ITGA2B: variants seen among roughly 807,000 people sequenced by gnomAD.
ITGA2B encodes the protein integrin subunit alpha 2b.
ITGA2B carries 91 observed loss-of-function variants against 142.0 expected under a neutral mutation model. That is an observed-to-expected ratio of 0.64 (90% CI 0.54 to 0.76). The LOEUF (loss-of-function observed/expected upper bound fraction) is 0.76. Among genes scored for constraint, ITGA2B ranks in the 30% least tolerant of loss-of-function variants. The pLI is 0.00. For missense variants in ITGA2B, 1,231 were observed against 1,350.8 expected (o/e 0.91, Z 1.39); for synonymous variants, 536 against 567.2 (o/e 0.94, Z 0.78).
chr17:44,389,403 C>A lies in ITGA2B; in HGVS notation c.71G>T (p.Cys24Phe). ...CAAGGCCCAGGCTGGAGGGGCAGCA[C>A]AAGGTCCCAAGAGCAGCAGCACCCA... The part of the protein sequence containing the change: ...LEWVLLLLGP[C>F]AAPPAWALNL... The change falls in exon 1 of 30, where the codon TGT (cysteine) becomes TTT (phenylalanine). Residue 24 changes from cysteine to phenylalanine, a missense_variant. Cys to Phe is a radical substitution (Grantham distance 205). This residue lies in a region of ITGA2B where 318 missense variants were observed against 312.2 expected (regional missense o/e 1.02). Transcript: ENST00000262407. 1 of 1,614,218 alleles carries A rather than the reference C, an allele frequency of 6.2e-7. No individual in the cohort carries two copies. The highest frequency in any genetic ancestry group is 2.2e-5 in the East Asian group (1 of 44,884).
intron 22 of ITGA2B, 80 bp from the exon 23 acceptor site, chr17:44,376,468 A>C: frequency 8.1e-7 from 1 of 1,240,536 alleles, no homozygotes; most frequent in Admixed American, 1.7e-5. Context: ...AGAATTTTAG[A>C]GAGTTCAGAG....
Position 44,379,113 on chromosome 17 carries a change from AT to A in ITGA2B, c.1879-404del, listed in dbSNP as rs540432584. ...AGGTACCCGCCACCACGCCCAGCTA[AT>A]TTTTTTTTTTTTTTTGTATTTTTAG... On this transcript the variant is annotated intron_variant, in intron 18 of 29. Coordinates refer to ENST00000262407, the MANE Select transcript of ITGA2B (RefSeq NM_000419.5). Among the ~76,000 whole-genome samples the A allele has an allele frequency of 5.4e-3, 740 of 137,866 alleles. 2 individuals are homozygous for A. The highest frequency in any genetic ancestry group is 7.8e-3 in the Admixed American group (107 of 13,776). The allele number at this position is 137,866 out of a possible 152,430, so 90.4% of individuals were successfully genotyped here.
intron 6 of ITGA2B, 28 bp from the exon 7 acceptor site, chr17:44,385,104 AG>A (rs1487341434): frequency 1.2e-6 from 2 of 1,614,066 alleles, no homozygotes; most frequent in Admixed American, 3.3e-5. Context: ...GCGGGTGTGA[AG>A]CCCAAAGCGG....
chr17:44,375,049 C>T lies in ITGA2B; in HGVS notation c.2790G>A (p.Gln930=). Residue 930 remains glutamine (Q), a synonymous_variant, in exon 27 of 30, where the codon CAG becomes CAA. Coordinates refer to ENST00000262407, the MANE Select transcript of ITGA2B (RefSeq NM_000419.5). The part of the protein sequence containing the change: ...QCDLQEMARG[Q]RAMVTVLAFL... ...AGGCCAGCACCGTGACCATGGCCCG[C>T]TGCCCGCGCGCCATCTCCTGCAGGT... 1 of 1,547,154 alleles carries T rather than the reference C, an allele frequency of 6.5e-7. No homozygotes were observed.
At position 44,383,608 on chromosome 17, in the gene ITGA2B, C is replaced by A. The variant is rs780507775; in HGVS notation, c.1095G>T (p.Pro365=). The A allele has an allele frequency of 6.2e-7, 1 of 1,608,510 alleles. No homozygotes were observed. The highest frequency in any genetic ancestry group is 1.3e-5 in the African/African-American group (1 of 74,888). ...EVGRVYLFLQ[P]RGPHALGAPS... is the part of the protein sequence containing the mutation. ...GGGCACCCAGCGCGTGGGGGCCTCG[C>A]GGCTGCAGGAACAAATACACACGCC... is the stretch of plus-strand genomic sequence containing the variant. Residue 365 remains proline (P), a synonymous_variant, in exon 12 of 30, where the codon CCG becomes CCT. Transcript: ENST00000262407.
chr17:44,383,762 C>A, intron 11 of ITGA2B, 58 bp from the exon 12 acceptor site: 1 of 1,549,994 alleles, frequency 6.5e-7, no homozygotes, highest in South Asian at 1.2e-5. Context: ...GGGGCTAGGG[C>A]CAAATCTCCT....
Position 44,379,847 on chromosome 17 carries a change from T to C in ITGA2B, c.1753-33A>G, listed in dbSNP as rs372964670. The C allele has an allele frequency of 8.4e-5, 135 of 1,613,512 alleles. 1 individual carries two copies. In the Middle Eastern group the frequency reaches 1.2e-3, roughly 14 times the overall value. On this transcript the variant is annotated intron_variant, in intron 17 of 29. Coordinates refer to ENST00000262407, the MANE Select transcript of ITGA2B (RefSeq NM_000419.5). The stretch of plus-strand genomic sequence containing the variant: ...AGGGGCAAGAGTCAGGCCATCTTGC[T>C]ACCATACACATCCCACCTTCTCCTG...
intron 1 of ITGA2B, among the ~76,000 whole-genome samples, chr17:44,387,704 A>G (rs1039421704): frequency 3.3e-5 from 5 of 151,624 alleles, no homozygotes; most frequent in African/African-American, 1.2e-4. Flanking sequence ...ACATGCCTGT[A>G]ATCCCAGCTA....
At chr17:44,374,936 T>G in intron 27 of ITGA2B, 62 bp downstream of exon 27, 1 of 1,032,932 alleles carries the variant, frequency 9.7e-7, no homozygotes, top group Non-Finnish European at 1.4e-6. Flanking sequence ...ACCCCGCCCC[T>G]CCCAGAGCAA....
rs973601271 is a variant in ITGA2B at position 44,378,798 on chromosome 17, G to A, written c.1879-88C>T. On this transcript the variant is annotated intron_variant, in intron 18 of 29. Transcript: ENST00000262407. ...AGGGTTAGGAAAACAGTGGGCTTGGGGTTCACATAGGGGCTTAGGGAGTAA... is the reference window on the plus strand; with the variant it reads ...AGGGTTAGGAAAACAGTGGGCTTGGAGTTCACATAGGGGCTTAGGGAGTAA... The A allele has an allele frequency of 2.8e-5, 33 of 1,161,286 alleles. No individual in the cohort carries two copies. The South Asian group carries it at 3.8e-4, about 13-fold the overall frequency. 71.9% of individuals were successfully genotyped at this position (1,161,286 alleles called of 1,614,324 possible).
At chr17:44,380,325 A>C (rs757902224) in intron 15 of ITGA2B, 24 bp from the exon 16 acceptor site, 1 of 1,614,194 alleles carries the variant, frequency 6.2e-7, no homozygotes, top group South Asian at 1.1e-5. Context: ...AGTGGGGCTC[A>C]GGGGTTGGAG....
chr17:44,379,188 T>C (rs1221154458), intron 18 of ITGA2B, among the ~76,000 whole-genome samples: 2 of 150,548 alleles, frequency 1.3e-5, no homozygotes, highest in African/African-American at 2.4e-5. Flanking sequence ...TCTCCTGACC[T>C]CGTGATCCAC....
In ITGA2B at chr17:44,374,484, C is replaced by T. The variant is rs775755526; in HGVS notation, c.2944-14G>A. On this transcript the variant is annotated splice_polypyrimidine_tract_variant and intron_variant, in intron 28 of 29. Coordinates refer to ENST00000262407, the MANE Select transcript of ITGA2B (RefSeq NM_000419.5). ...CTGTGTCCACACCTGGGGGCAAACC[C>T]ACGTGTCTCCTCAGTCACCTTGACA... The T allele has an allele frequency of 4.3e-5, 69 of 1,609,826 alleles. No homozygotes were observed. The highest frequency in any genetic ancestry group is 5.4e-5 in the Non-Finnish European group (63 of 1,176,354).
chr17:44,380,287 A>T lies in ITGA2B; in HGVS notation c.1559T>A (p.Met520Lys). The change falls in exon 16 of 30, where the codon ATG becomes AAG. Residue 520 changes from methionine to lysine, a missense_variant. Coordinates refer to ENST00000262407, the MANE Select transcript of ITGA2B (RefSeq NM_000419.5). ...KTPVSCFNIQ[M>K]CVGATGHNIP... ...GTTGTGCCCAGTGGCTCCAACACAC[A>T]TCTGGATGTTGAAGCTGCAAAGACG... is the stretch of plus-strand genomic sequence containing the variant. 1 of 1,614,094 alleles carries T rather than the reference A, an allele frequency of 6.2e-7. No homozygotes were observed.
At position 44,375,000 on chromosome 17, in the gene ITGA2B, G is replaced by A; in HGVS notation, c.2839C>T (p.Gln947Ter). Residue 947 changes from glutamine (Q) to a stop codon, truncating the protein, a stop_gained and splice_region_variant, in exon 27 of 30, where the codon CAG becomes TAG. Coordinates refer to ENST00000262407, the MANE Select transcript of ITGA2B (RefSeq NM_000419.5). LOFTEE classifies it high-confidence loss of function. ...LAFLWLPSLYQRPLDQFVLQS... is the reference protein window; with the variant it reads ...LAFLWLPSLY The stretch of plus-strand genomic sequence containing the variant: ...CGCCCCACCACGGCCCACCCCACCT[G>A]GTAGAGGCTGGGCAGCCACAGGAAG... The A allele has an allele frequency of 6.5e-7, 1 of 1,534,778 alleles. No individual in the cohort carries two copies. The highest frequency in any genetic ancestry group is 8.7e-7 in the Non-Finnish European group (1 of 1,143,458).
chr17:44,389,161 C>A lies in ITGA2B; in HGVS notation c.188+125G>T. On this transcript the variant is annotated intron_variant, in intron 1 of 29. Transcript: ENST00000262407. ...CCAACATTCTTGACAAGAAATCAACCTGAATAGGCCCCACAAGTCACCTTG... is the reference window on the plus strand; with the variant it reads ...CCAACATTCTTGACAAGAAATCAACATGAATAGGCCCCACAAGTCACCTTG... The A allele has an allele frequency of 1.7e-5, 18 of 1,085,594 alleles. No individual in the cohort carries two copies. The South Asian group carries it at 2.3e-4, about 14-fold the overall frequency. The allele number at this position is 1,085,594 out of a possible 1,614,324, so 67.2% of individuals were successfully genotyped here. A position where few individuals can be genotyped will look rare whatever the true frequency, so the allele number is the denominator to read the frequency against.
chr17:44,386,229 GGGGCACT>G (rs1332343473), intron 1 of ITGA2B, 98 bp from the exon 2 acceptor site: 8 of 1,517,174 alleles, frequency 5.3e-6, no homozygotes, highest in Non-Finnish European at 7.1e-6. Flanking sequence ...ATGTGGCATG[GGGGCACT>G]GGACCATCTT....
At chr17:44,385,749 C>T in intron 3 of ITGA2B, 33 bp from the exon 4 acceptor site, 4 of 1,613,288 alleles carry the variant, frequency 2.5e-6, no homozygotes, top group African/African-American at 2.7e-5. Context: ...GGGACGGGCG[C>T]GAGACTTGGG....
chr17:44,389,394 G>A lies in ITGA2B; in HGVS notation c.80C>T (p.Pro27Leu). The change falls in exon 1 of 30, where the codon CCT (proline) becomes CTT (leucine). Residue 27 changes from proline to leucine, a missense_variant. By Grantham distance (98) the Pro-to-Leu change is moderately conservative (BLOSUM62 -3). This residue lies in a region of ITGA2B where 318 missense variants were observed against 312.2 expected (regional missense o/e 1.02). Transcript: ENST00000262407. ...GTCCAGGTTCAAGGCCCAGGCTGGAGGGGCAGCACAAGGTCCCAAGAGCAG... is the reference window on the plus strand; with the variant it reads ...GTCCAGGTTCAAGGCCCAGGCTGGAAGGGCAGCACAAGGTCCCAAGAGCAG... ...VLLLLGPCAA[P>L]PAWALNLDPV... 1 of 1,614,194 alleles carries A rather than the reference G, an allele frequency of 6.2e-7. No individual in the cohort carries two copies.
Sources: gnomAD v4.1 joint callset for allele counts (sites outside exome capture counted in the v4.1 genomes callset) on GRCh38, gnomAD v4.1.1 for gene constraint, gnomAD v4.1.1 regional missense constraint, MANE v1.5 for transcripts, NCBI Gene and HGNC (gene_info 2026-07-23, HGNC 2026-07-21) for gene names.